The following ERAL1 variants were observed in gnomAD, a reference collection of about 807,000 sequenced individuals.
ERAL1 encodes GTPase Era, mitochondrial.
ERAL1 carries 36 observed loss-of-function variants against 53.6 expected under a neutral mutation model. That is an observed-to-expected ratio of 0.67 (90% CI 0.51 to 0.89). The LOEUF (loss-of-function observed/expected upper bound fraction) is 0.89, where lower values mean the gene tolerates loss of function less well. ERAL1 is among the 40% of genes least tolerant of loss of function. The pLI is 0.00. For missense variants in ERAL1, 512 were observed against 537.5 expected (o/e 0.95, Z 0.47); for synonymous variants, 215 against 211.8 (o/e 1.02, Z -0.13).
intron 3 of ERAL1, 197 bp downstream of exon 3, chr17:28,856,779 T>G (rs1028115262): frequency 7.7e-6 from 4 of 520,682 alleles, no homozygotes; most frequent in African/African-American, 5.8e-5. Flanking sequence ...TGACGCGATC[T>G]TGGCTCACTG....
intron 8 of ERAL1, 25 bp downstream of exon 8, chr17:28,859,138 C>T (rs747694032): frequency 1.2e-6 from 2 of 1,613,962 alleles, no homozygotes; most frequent in Non-Finnish European, 1.7e-6. Flanking sequence ...GTTCTGGGGG[C>T]TCTCTATCAG....
intron 1 of ERAL1, 107 bp from the exon 2 acceptor site, chr17:28,856,157 G>C: frequency 3.6e-6 from 5 of 1,389,676 alleles, no homozygotes; most frequent in Non-Finnish European, 5.0e-6. Context: ...CTTCAACCTG[G>C]TGCACTAATT....
Position 28,856,500 on chromosome 17 carries a change from G to A in ERAL1, c.412-5G>A. On this transcript the variant is annotated splice_polypyrimidine_tract_variant and splice_region_variant and intron_variant, in intron 2 of 9. Coordinates refer to ENST00000254928, the MANE Select transcript of ERAL1 (RefSeq NM_005702.4). ...ACCTCACTGAGACTCCTTTGTTCCT[G>A]GCAGGTGTTCCCTGTTTCCAGGAAG... The A allele has an allele frequency of 6.2e-7, 1 of 1,613,746 alleles. No homozygotes were observed. The highest frequency in any genetic ancestry group is 8.5e-7 in the Non-Finnish European group (1 of 1,179,808).
Position 28,856,538 on chromosome 17 carries a change from C to T in ERAL1, c.445C>T (p.Arg149Cys), listed in dbSNP as rs755001895. Residue 149 changes from arginine to cysteine, a missense_variant, in exon 3 of 10, where the codon CGC (arginine) becomes TGC (cysteine). Physicochemically the swap from Arg to Cys is radical, Grantham distance 180. Coordinates refer to ENST00000254928, the MANE Select transcript of ERAL1 (RefSeq NM_005702.4). The part of the protein sequence containing the change: ...FPVSRKVHTT[R>C]CQALGVITEK... ...TGTTTCCAGGAAGGTGCATACTACT[C>T]GCTGCCAAGCTCTGGGGGTCATCAC... is the stretch of plus-strand genomic sequence containing the variant. 11 of 1,613,878 alleles carry T rather than the reference C, an allele frequency of 6.8e-6. No homozygotes were observed. Among genetic ancestry groups the T allele is most frequent in the South Asian group, 3.3e-5 (3 of 91,072 alleles).
Position 28,858,794 on chromosome 17 carries a change from C to G in ERAL1, c.930C>G (p.Ala310=). 6.2e-7 allele frequency: 1 copy of G among 1,614,156 alleles called. No homozygotes were observed. Among genetic ancestry groups the G allele is most frequent in the Non-Finnish European group, 8.5e-7 (1 of 1,180,008 alleles). Residue 310 remains alanine (A), a synonymous_variant, in exon 7 of 10, where the codon GCC becomes GCG. Transcript: ENST00000254928. The part of the protein sequence containing the change: ...PHFKEIFMLS[A]LSQEDVKTLK... ...TCAAGGAGATCTTCATGTTGTCAGC[C>G]CTAAGCCAGGAGGACGTGAAAACAC...
chr17:28,858,845 GC>G lies in ERAL1; in HGVS notation c.960+23del, dbSNP rs1366218659. 8 of 1,613,808 alleles carry G rather than the reference GC, an allele frequency of 5.0e-6. No homozygotes were observed. The East Asian group carries it at 1.6e-4, about 31-fold the overall frequency. On this transcript the variant is annotated intron_variant, in intron 7 of 9. Transcript: ENST00000254928. ...TAAAGGTCAGTTAGTCTTGGCCATA[GC>G]CTGGCCCTTGGTTTCTACCATATGA...
rs568931390 is a variant in ERAL1, at chr17:28,858,513, G to C, written c.711+27G>C. 5.0e-6 allele frequency: 8 copies of C among 1,614,066 alleles called. No homozygotes were observed. In the South Asian group the frequency reaches 8.8e-5, roughly 18 times the overall value. ...TGAGCACTACCCACCTGAGGAAGGGGTCTACTTCCCTCCAAGTCCCCTATC... is the reference window on the plus strand; with the variant it reads ...TGAGCACTACCCACCTGAGGAAGGGCTCTACTTCCCTCCAAGTCCCCTATC... On this transcript the variant is annotated intron_variant, in intron 6 of 9. Transcript: ENST00000254928.
At position 28,860,618 on chromosome 17, in the gene ERAL1, G is replaced by T. The variant is rs9279; in HGVS notation, c.*65G>T. The T allele has an allele frequency of 0.77, 1,164,764 of 1,510,666 alleles. 452,349 individuals are homozygous for T. Among genetic ancestry groups the T allele is most frequent in the Non-Finnish European group, 0.8 (905,646 of 1,135,646 alleles). 93.6% of individuals were successfully genotyped at this position (1,510,666 alleles called of 1,614,324 possible). ...CTGCTGGCAGGAACTGACCAGTTCT[G>T]TCCTTGGCTGGGGACCCTCCAGGCA... On this transcript the variant is annotated 3_prime_UTR_variant, in exon 10 of 10. Coordinates refer to ENST00000254928, the MANE Select transcript of ERAL1 (RefSeq NM_005702.4).
intron 1 of ERAL1, among the ~76,000 whole-genome samples, chr17:28,855,940 T>C (rs2039237645): frequency 6.6e-6 from 1 of 152,170 alleles, no homozygotes. Context: ...AGCTATACAT[T>C]ATAATTACAT....
intron 9 of ERAL1, among the ~76,000 whole-genome samples, chr17:28,859,920 G>A (rs541947440): frequency 4.6e-5 from 7 of 151,940 alleles, no homozygotes; most frequent in Non-Finnish European, 7.4e-5. Context: ...CTTGGCCTCC[G>A]AAAGTGCTGG....
Position 28,856,500 on chromosome 17 carries a change from G to T in ERAL1, c.412-5G>T, listed in dbSNP as rs770104075. ...ACCTCACTGAGACTCCTTTGTTCCT[G>T]GCAGGTGTTCCCTGTTTCCAGGAAG... On this transcript the variant is annotated splice_polypyrimidine_tract_variant and splice_region_variant and intron_variant, in intron 2 of 9. Transcript: ENST00000254928. 1 of 1,613,746 alleles carries T rather than the reference G, an allele frequency of 6.2e-7. No individual in the cohort carries two copies. Among genetic ancestry groups the T allele is most frequent in the South Asian group, 1.1e-5 (1 of 91,072 alleles).
chr17:28,856,556 G>A lies in ERAL1; in HGVS notation c.463G>A (p.Val155Ile). The change falls in exon 3 of 10, where the codon GTC becomes ATC. Residue 155 changes from valine to isoleucine, a missense_variant. Physicochemically the swap from Val to Ile is conservative, Grantham distance 29 (BLOSUM62 3). Coordinates refer to ENST00000254928, the MANE Select transcript of ERAL1 (RefSeq NM_005702.4). The stretch of plus-strand genomic sequence containing the variant: ...TACTACTCGCTGCCAAGCTCTGGGG[G>A]TCATCACAGAGAAGGAGACCCAGGT... ...VHTTRCQALGVITEKETQVIL... is the reference protein window; with the variant it reads ...VHTTRCQALGIITEKETQVIL... The A allele has an allele frequency of 6.2e-7, 1 of 1,614,014 alleles. No homozygotes were observed. The highest frequency in any genetic ancestry group is 8.5e-7 in the Non-Finnish European group (1 of 1,179,956).
At position 28,858,719 on chromosome 17, in the gene ERAL1, C is replaced by T; in HGVS notation, c.855C>T (p.Asp285=). 2 of 1,614,204 alleles carry T rather than the reference C, an allele frequency of 1.2e-6. No individual in the cohort carries two copies. The highest frequency in any genetic ancestry group is 1.7e-6 in the Non-Finnish European group (2 of 1,180,044). The change falls in exon 7 of 10, where the codon GAC becomes GAT. Residue 285 remains aspartate (D), a synonymous_variant. Coordinates refer to ENST00000254928, the MANE Select transcript of ERAL1 (RefSeq NM_005702.4). ...GTHCPSPAVK[D]PNTQSVGNPQ... ...ATTGCCCCAGCCCAGCAGTTAAGGA[C>T]CCAAACACACAATCTGTGGGAAATC... is the stretch of plus-strand genomic sequence containing the variant.
Position 28,860,754 on chromosome 17 carries a change from C to T in ERAL1, c.*201C>T, listed in dbSNP as rs927959963. ...TTGGAAGAAGGAACCTGCCTTAGCT[C>T]AGTTTCCAGGTGGTTCCTCTGCCTG... On this transcript the variant is annotated 3_prime_UTR_variant, in exon 10 of 10. Coordinates refer to ENST00000254928, the MANE Select transcript of ERAL1 (RefSeq NM_005702.4). The T allele has an allele frequency of 5.8e-6, 3 of 514,586 alleles. No individual in the cohort carries two copies. The highest frequency in any genetic ancestry group is 4.1e-5 in the African/African-American group (2 of 49,104). 31.9% of individuals were successfully genotyped at this position (514,586 alleles called of 1,614,324 possible).
chr17:28,858,659 G>A lies in ERAL1; in HGVS notation c.795G>A (p.Lys265=). 1 of 1,614,210 alleles carries A rather than the reference G, an allele frequency of 6.2e-7. No homozygotes were observed. Among genetic ancestry groups the A allele is most frequent in the African/African-American group, 1.3e-5 (1 of 75,042 alleles). Residue 265 remains lysine (K), a synonymous_variant, in exon 7 of 10, where the codon AAG becomes AAA. Coordinates refer to ENST00000254928, the MANE Select transcript of ERAL1 (RefSeq NM_005702.4). ...TEGVVNGKKL[K]MRQAFHSHPG... is the part of the protein sequence containing the mutation. ...GTGTGGTCAATGGCAAAAAGCTCAA[G>A]ATGAGGCAGGCCTTCCACTCACACC...
intron 4 of ERAL1, 37 bp downstream of exon 4, chr17:28,858,022 G>A: frequency 6.2e-7 from 1 of 1,613,848 alleles, no homozygotes; most frequent in Admixed American, 1.7e-5. Flanking sequence ...TGGCGGGGAG[G>A]TACTGAAAGA....
intron 1 of ERAL1, among the ~76,000 whole-genome samples, chr17:28,855,893 T>G (rs1165206284): frequency 6.6e-6 from 1 of 151,912 alleles, no homozygotes; most frequent in East Asian, 1.9e-4. Flanking sequence ...CTTTGTGTAA[T>G]CCAGCTTGCT....
chr17:28,860,279 CCT>C (rs1457156697), intron 9 of ERAL1, 150 bp from the exon 10 acceptor site: 2 of 841,008 alleles, frequency 2.4e-6, no homozygotes, highest in Non-Finnish European at 3.5e-6. Flanking sequence ...GCCCGGCCAC[CCT>C]CTCTTTTTTT....
intron 3 of ERAL1, among the ~76,000 whole-genome samples, chr17:28,857,264 C>T (rs4795468): frequency 0.73 from 110,856 of 151,222 alleles, 41,106 homozygotes; most frequent in Non-Finnish European, 0.8. Context: ...TGCGCCACCA[C>T]GCCCGGCTAC....
Sources: allele counts gnomAD v4.1 joint callset (sites outside exome capture counted in the v4.1 genomes callset), GRCh38; gene constraint gnomAD v4.1.1; transcripts MANE v1.5; gene names NCBI Gene and HGNC (gene_info 2026-07-23, HGNC 2026-07-21).